Variants in GALNT16 observed in about 807,000 individuals in gnomAD.
The protein encoded by GALNT16 is UDP-GalNAc:polypeptide N-acetylgalactosaminyltransferase-like protein 1.
In GALNT16, 40 loss-of-function variants were observed where a neutral mutation model predicts 76.1. The observed-to-expected ratio is 0.53, with a 90% confidence interval of 0.41 to 0.68. The LOEUF (loss-of-function observed/expected upper bound fraction) is 0.68, where lower values mean the gene tolerates loss of function less well. GALNT16 is among the 30% of genes least tolerant of loss of function. The probability of loss-of-function intolerance (pLI) is 0.00; values close to 1 mark genes in which losing one functional copy is unlikely to be tolerated. For synonymous variants in GALNT16, 276 were observed against 285.2 expected, an observed-to-expected ratio of 0.97 and a Z score of 0.32; for missense variants, 621 against 731.9, an observed-to-expected ratio of 0.85 and a Z score of 1.75.
chr14:69,361,746 C>A (rs2045725600), downstream of GALNT16, among the ~76,000 whole-genome samples: 2 of 152,174 alleles, frequency 1.3e-5, no homozygotes, highest in African/African-American at 4.8e-5. Context: ...GTGGCTCACA[C>A]CTGTAATCCC....
At chr14:69,380,041 T>C in the GALNT16 span, 1 of 152,106 alleles carries the variant, frequency 6.6e-6, no homozygotes, top group African/African-American at 2.4e-5. Flanking sequence ...GTAGCAGCTA[T>C]TGGTTTTTAA....
At chr14:69,300,902 C>A (rs2044842268) in intron 1 of GALNT16, among the ~76,000 whole-genome samples, 1 of 152,208 alleles carries the variant, frequency 6.6e-6, no homozygotes, top group Admixed American at 6.5e-5. Context: ...GTCCGTGGAG[C>A]CCTCCCAAAT....
At chr14:69,310,354 C>T (rs1174556283) in intron 1 of GALNT16, among the ~76,000 whole-genome samples, 1 of 152,008 alleles carries the variant, frequency 6.6e-6, no homozygotes. Context: ...ATCTCCCTTC[C>T]CCCAACACAG....
intron 1 of GALNT16, among the ~76,000 whole-genome samples, chr14:69,269,528 ATG>A (rs2044379861): frequency 7.7e-6 from 1 of 130,382 alleles, no homozygotes; most frequent in Non-Finnish European, 1.6e-5. Flanking sequence ...TGTGGGGCTT[ATG>A]TGTGTGTGAT....
At chr14:69,268,289 G>A (rs2044365249) in intron 1 of GALNT16, among the ~76,000 whole-genome samples, 1 of 152,200 alleles carries the variant, frequency 6.6e-6, no homozygotes, top group African/African-American at 2.4e-5. Flanking sequence ...GCATGGAATT[G>A]CCCATAGGCC....
chr14:69,283,172 G>A lies in GALNT16; in HGVS notation c.177+22705G>A, dbSNP rs191049052. 1.6e-3 allele frequency among the ~76,000 whole-genome samples: 249 copies of A among 152,290 alleles called. 2 individuals are homozygous for A. The highest frequency in any genetic ancestry group is 2.9e-3 in the Non-Finnish European group (196 of 68,028). On this transcript the variant is annotated intron_variant, in intron 1 of 14. Coordinates refer to ENST00000448469, the MANE Select transcript of GALNT16 (RefSeq NM_001168368.2). ...CTCGGTTTCTTCATCAATAAAATGAGCATGATTAAGGTCACAGAATTACAT... is the reference window on the plus strand; with the variant it reads ...CTCGGTTTCTTCATCAATAAAATGAACATGATTAAGGTCACAGAATTACAT...
intron 1 of GALNT16, among the ~76,000 whole-genome samples, chr14:69,262,464 C>T (rs1437760173): frequency 6.6e-6 from 1 of 152,172 alleles, no homozygotes; most frequent in Non-Finnish European, 1.5e-5. Context: ...CAGTAAACAT[C>T]CTCTTGTCCC....
At chr14:69,262,521 C>T (rs1426957470) in intron 1 of GALNT16, among the ~76,000 whole-genome samples, 1 of 152,182 alleles carries the variant, frequency 6.6e-6, no homozygotes, top group South Asian at 2.1e-4. Flanking sequence ...GAAAAGGTCT[C>T]AGAGCGGGAA....
chr14:69,295,414 C>CAAAAAA (rs34081669), intron 1 of GALNT16, among the ~76,000 whole-genome samples: 91 of 101,698 alleles, frequency 8.9e-4, no homozygotes, highest in African/African-American at 3.0e-3. Context: ...GACTCTGTCT[C>CAAAAAA]AAAAAAAAAA....
the GALNT16 span, among the ~76,000 whole-genome samples, chr14:69,366,261 G>A: frequency 6.6e-6 from 1 of 152,152 alleles, no homozygotes. Context: ...CAGTCCCTTG[G>A]CTATCCCCCA....
intron 1 of GALNT16, among the ~76,000 whole-genome samples, chr14:69,288,877 A>T (rs866749167): frequency 4.1e-4 from 62 of 152,102 alleles, no homozygotes; most frequent in African/African-American, 1.4e-3. Flanking sequence ...GAGTGGATAG[A>T]AGTCTTCTTT....
intron 9 of GALNT16, among the ~76,000 whole-genome samples, chr14:69,335,789 A>G (rs2045408212): frequency 6.6e-6 from 1 of 152,032 alleles, no homozygotes; most frequent in South Asian, 2.1e-4. Context: ...TTATTCCTTT[A>G]TTGAAGGAAG....
chr14:69,369,001 T>C, the GALNT16 span, among the ~76,000 whole-genome samples: 1 of 152,152 alleles, frequency 6.6e-6, no homozygotes, highest in African/African-American at 2.4e-5. Flanking sequence ...TGTAATTTGT[T>C]TACACAACTC....
At position 69,261,656 on chromosome 14, in the gene GALNT16, C is replaced by T. The variant is rs924963396; in HGVS notation, c.177+1189C>T. On this transcript the variant is annotated intron_variant, in intron 1 of 14. Coordinates refer to ENST00000448469, the MANE Select transcript of GALNT16 (RefSeq NM_001168368.2). The surrounding 1 kb of genome is among the most constrained non-coding windows in gnomAD (Gnocchi z 6.4). ...GCTGAGGCTTGTGTGGAGCCGAATCCGAGAAACGCATCCAGACGCGGATCT... is the reference window on the plus strand; with the variant it reads ...GCTGAGGCTTGTGTGGAGCCGAATCTGAGAAACGCATCCAGACGCGGATCT... Among the ~76,000 whole-genome samples the T allele has an allele frequency of 1.3e-5, 2 of 152,082 alleles. No individual in the cohort carries two copies. The highest frequency in any genetic ancestry group is 2.4e-5 in the African/African-American group (1 of 41,384).
chr14:69,319,040 CTGGCA>C (rs1244899958), intron 1 of GALNT16, among the ~76,000 whole-genome samples: 1 of 152,250 alleles, frequency 6.6e-6, no homozygotes, highest in African/African-American at 2.4e-5. Context: ...TGTTCAGTCT[CTGGCA>C]TGGCACCACC....
At chr14:69,266,730 C>G (rs918911036) in intron 1 of GALNT16, among the ~76,000 whole-genome samples, 1 of 152,184 alleles carries the variant, frequency 6.6e-6, no homozygotes, top group South Asian at 2.1e-4. Context: ...AAAAAAGACT[C>G]TCTGTCATGA....
chr14:69,260,150 C>T (rs533064172), upstream of GALNT16: 46 of 189,032 alleles, frequency 2.4e-4, 1 homozygote, highest in African/African-American at 1.1e-3. Flanking sequence ...CCCCGCCCCC[C>T]CACCTCTCTC....
intron 1 of GALNT16, among the ~76,000 whole-genome samples, chr14:69,308,221 C>A (rs1382589225): frequency 2.6e-5 from 4 of 152,062 alleles, no homozygotes; most frequent in Non-Finnish European, 2.9e-5. Context: ...GAGCTCAATC[C>A]TTTTATCTTA....
Position 69,333,927 on chromosome 14 carries a change from G to A in GALNT16, c.967+327G>A, listed in dbSNP as rs1041626472. ...GTATCACAGACCACAGCTTACACAC[G>A]TGGCTGCTTCCCTACCAGCAAGGCT... On this transcript the variant is annotated intron_variant, in intron 9 of 14. Coordinates refer to ENST00000448469, the MANE Select transcript of GALNT16 (RefSeq NM_001168368.2). The surrounding 1 kb of genome is among the most constrained non-coding windows in gnomAD (Gnocchi z 4.2). Among the ~76,000 whole-genome samples, 4 of 152,170 alleles carry A rather than the reference G, an allele frequency of 2.6e-5. No individual in the cohort carries two copies. Among genetic ancestry groups the A allele is most frequent in the East Asian group, 1.9e-4 (1 of 5,178 alleles).
Sources: allele counts gnomAD v4.1 joint callset (sites outside exome capture counted in the v4.1 genomes callset), GRCh38; gene constraint gnomAD v4.1.1; non-coding constraint Gnocchi (gnomAD v3.1); transcripts MANE v1.5; gene names NCBI Gene and HGNC (gene_info 2026-07-23, HGNC 2026-07-21).